The following DIAPH2 variants were observed in gnomAD, a reference collection of about 807,000 sequenced individuals.
The protein encoded by DIAPH2 is diaphanous related formin 2, also known as protein diaphanous homolog 2.
In DIAPH2, 35 loss-of-function variants were observed where a neutral mutation model predicts 92.7. That is an observed-to-expected ratio of 0.38 (90% CI 0.29 to 0.50). The LOEUF is 0.50. Among genes scored for constraint, DIAPH2 ranks in the 20% least tolerant of loss-of-function variants. The pLI, the probability that DIAPH2 is intolerant of heterozygous loss-of-function variation, is 0.94. For synonymous variants in DIAPH2, 301 were observed against 280.4 expected, an observed-to-expected ratio of 1.07 and a Z score of -0.73; for missense variants, 701 against 819.5, an observed-to-expected ratio of 0.86 and a Z score of 1.77.
chrX:97,247,717 T>C lies in DIAPH2; in HGVS notation c.2722T>C (p.Ser908Pro). 3 of 1,204,233 alleles carry C rather than the reference T, an allele frequency of 2.5e-6. No homozygotes were observed. Among genetic ancestry groups the C allele is most frequent in the Non-Finnish European group, 3.4e-6 (3 of 890,977 alleles). ...ATCCTTTGCACACTGTTCTTTAGTT[T>C]CAGCTCAAATTCTCAAGAGCAACCT... ...LEHVESASKV[S>P]AQILKSNLAS... Residue 908 changes from serine to proline, a missense_variant and splice_region_variant, in exon 23 of 27, where the codon TCA (serine) becomes CCA (proline). Physicochemically the swap from Ser to Pro is moderately conservative, Grantham distance 74. Transcript: ENST00000324765.
intron 4 of DIAPH2, among the ~76,000 whole-genome samples, chrX:96,848,058 G>A (rs910014165): frequency 8.4e-5 from 9 of 107,147 alleles, no homozygotes. Context: ...ATTTTTTTTA[G>A]AGACAAGGTA....
chrX:97,468,598 T>A (rs1188172337), intron 26 of DIAPH2, among the ~76,000 whole-genome samples: 1 of 104,743 alleles, frequency 9.5e-6, no homozygotes, highest in Non-Finnish European at 1.9e-5. Flanking sequence ...GTGTATTTAC[T>A]GATTGAGCAT....
chrX:96,707,027 G>A (rs1005799744), intron 1 of DIAPH2, among the ~76,000 whole-genome samples: 1 of 110,185 alleles, frequency 9.1e-6, no homozygotes, highest in African/African-American at 3.3e-5. Flanking sequence ...AGGTGGGCAC[G>A]GTGACTCAAG....
intron 22 of DIAPH2, among the ~76,000 whole-genome samples, chrX:97,191,144 C>A (rs1241262542): frequency 1.8e-5 from 2 of 109,927 alleles, no homozygotes; most frequent in Non-Finnish European, 3.8e-5. Flanking sequence ...TTCTGACCAA[C>A]CTGGTGAAAC....
intron 24 of DIAPH2, among the ~76,000 whole-genome samples, chrX:97,349,087 T>A (rs927612359): frequency 1.6e-4 from 17 of 105,703 alleles, no homozygotes; most frequent in East Asian, 2.9e-4. Flanking sequence ...TATATATTTT[T>A]TTTTTTTTTA....
At chrX:97,534,126 T>C (rs5921846) in intron 26 of DIAPH2, among the ~76,000 whole-genome samples, 3,047 of 111,640 alleles carry the variant, frequency 0.027, 34 homozygotes, top group Non-Finnish European at 0.039. Flanking sequence ...TTTTATTGAC[T>C]TAAATGGAAG....
At chrX:97,161,402 G>T (rs779401959) in intron 22 of DIAPH2, among the ~76,000 whole-genome samples, 17 of 110,293 alleles carry the variant, frequency 1.5e-4, no homozygotes, top group Middle Eastern at 4.8e-3. Flanking sequence ...TTTTTTGTGG[G>T]TTTTTTGTTT....
intron 25 of DIAPH2, among the ~76,000 whole-genome samples, chrX:97,412,710 G>GGACACA (rs1349060241): frequency 9.0e-6 from 1 of 111,713 alleles, no homozygotes; most frequent in Non-Finnish European, 1.9e-5. Context: ...AATAAAAAAT[G>GGACACA]ATAAAGGGGG....
chrX:97,404,700 T>G lies in DIAPH2; in HGVS notation c.3145+20656T>G, dbSNP rs774501384. 3.6e-5 allele frequency among the ~76,000 whole-genome samples: 4 copies of G among 112,024 alleles called. No individual in the cohort carries two copies. In the South Asian group the frequency reaches 1.5e-3, roughly 42 times the overall value. Reference sequence around the variant, plus strand: ...TGAATTTTGAATGTGAAAGGTCCTTTCTTCTTTTATCAAAAGGAAAAAAAT... The same window carrying G: ...TGAATTTTGAATGTGAAAGGTCCTTGCTTCTTTTATCAAAAGGAAAAAAAT... On this transcript the variant is annotated intron_variant, in intron 25 of 26. Transcript: ENST00000324765.
At chrX:96,986,407 T>G (rs2066032192) in intron 17 of DIAPH2, among the ~76,000 whole-genome samples, 1 of 111,897 alleles carries the variant, frequency 8.9e-6, no homozygotes, top group Admixed American at 9.5e-5. Context: ...ACTTAAAATT[T>G]GTTTGATTTT....
intron 25 of DIAPH2, among the ~76,000 whole-genome samples, chrX:97,418,242 T>C (rs952746814): frequency 3.6e-5 from 4 of 112,419 alleles, no homozygotes; most frequent in African/African-American, 1.3e-4. Context: ...GGGGAATTGA[T>C]TCATTATTTA....
intron 19 of DIAPH2, among the ~76,000 whole-genome samples, chrX:97,094,315 T>C (rs2147356743): frequency 8.9e-6 from 1 of 111,841 alleles, no homozygotes; most frequent in South Asian, 3.8e-4. Flanking sequence ...ATGTTAAATG[T>C]CAGAGTTTCA....
chrX:97,477,706 TAGAA>T (rs140342726), intron 26 of DIAPH2, among the ~76,000 whole-genome samples: 186 of 111,777 alleles, frequency 1.7e-3, no homozygotes, highest in Non-Finnish European at 3.1e-3. Flanking sequence ...TCCATTGTAT[TAGAA>T]AGAAAAAGTT....
chrX:97,269,761 T>A (rs759454291), intron 23 of DIAPH2, among the ~76,000 whole-genome samples: 30 of 108,244 alleles, frequency 2.8e-4, no homozygotes, highest in East Asian at 5.8e-4. Context: ...ATTTTTTTTT[T>A]TTTTTTTTGA....
At chrX:97,568,212 C>G (rs60039523) in intron 26 of DIAPH2, among the ~76,000 whole-genome samples, 1,882 of 104,968 alleles carry the variant, frequency 0.018, 37 homozygotes, top group African/African-American at 0.063. Flanking sequence ...AAACATGAAG[C>G]AAGATTTTCT....
At chrX:97,188,452 A>G (rs995026688) in intron 22 of DIAPH2, among the ~76,000 whole-genome samples, 1 of 112,240 alleles carries the variant, frequency 8.9e-6, no homozygotes, top group Non-Finnish European at 1.9e-5. Flanking sequence ...TCCAATACGA[A>G]TAGTCATGAA....
chrX:97,352,902 T>G (rs1177365494), intron 24 of DIAPH2, among the ~76,000 whole-genome samples: 2 of 93,553 alleles, frequency 2.1e-5, no homozygotes, highest in Non-Finnish European at 4.3e-5. Flanking sequence ...AAGAACAGCA[T>G]ACAATATAGA....
chrX:96,737,293 A>G (rs2064093737), intron 2 of DIAPH2, among the ~76,000 whole-genome samples: 1 of 112,270 alleles, frequency 8.9e-6, no homozygotes, highest in Non-Finnish European at 1.9e-5. Flanking sequence ...AAAACTGCTC[A>G]TATTTCTTTC....
chrX:97,512,378 C>T (rs1333523288), intron 26 of DIAPH2, among the ~76,000 whole-genome samples: 11 of 112,000 alleles, frequency 9.8e-5, no homozygotes, highest in East Asian at 5.6e-4. Context: ...TTTTTTATTG[C>T]GTCTATTTGA....
Sources: allele counts gnomAD v4.1 joint callset (sites outside exome capture counted in the v4.1 genomes callset), GRCh38; gene constraint gnomAD v4.1.1; transcripts MANE v1.5; gene names NCBI Gene and HGNC (gene_info 2026-07-23, HGNC 2026-07-21).